WWOX: variants seen among roughly 807,000 people sequenced by gnomAD.
WWOX encodes WW domain-containing oxidoreductase.
WWOX carries 69 observed loss-of-function variants against 46.2 expected under a neutral mutation model. The ratio of observed to expected loss-of-function variants is 1.49; its 90% CI spans 1.23 to 1.82. The LOEUF (loss-of-function observed/expected upper bound fraction) is 1.82, where lower values mean the gene tolerates loss of function less well. Ranked by LOEUF, WWOX falls within the 40% of genes most tolerant of loss-of-function variation. The pLI is 0.00. For missense variants in WWOX, 919 were observed against 542.6 expected, an observed-to-expected ratio of 1.69 and a Z score of -6.89; for synonymous variants, 359 against 202.6, an observed-to-expected ratio of 1.77 and a Z score of -6.56.
At chr16:78,751,872 C>T (rs919926150) in intron 8 of WWOX, among the ~76,000 whole-genome samples, 2 of 151,958 alleles carry the variant, frequency 1.3e-5, no homozygotes, top group African/African-American at 4.8e-5. Flanking sequence ...AATTAATTCC[C>T]ATTTTAGAGT....
chr16:78,877,362 A>G (rs1334558876), intron 8 of WWOX, among the ~76,000 whole-genome samples: 1 of 150,646 alleles, frequency 6.6e-6, no homozygotes, highest in Admixed American at 6.6e-5. Flanking sequence ...TTCCTCAGAC[A>G]TGCCAGGTGT....
intron 8 of WWOX, among the ~76,000 whole-genome samples, chr16:78,804,518 T>A (rs1271466365): frequency 6.6e-6 from 1 of 152,232 alleles, no homozygotes; most frequent in African/African-American, 2.4e-5. Context: ...AGCGCATATG[T>A]TCTGCGTGTG....
chr16:79,088,472 G>A (rs1425697255), intron 8 of WWOX, among the ~76,000 whole-genome samples: 3 of 152,204 alleles, frequency 2.0e-5, no homozygotes, highest in Non-Finnish European at 2.9e-5. Context: ...ATGGTGCAAG[G>A]GATAACCTCA....
chr16:79,043,868 C>G (rs1191945704), intron 8 of WWOX, among the ~76,000 whole-genome samples: 1 of 152,190 alleles, frequency 6.6e-6, no homozygotes, highest in African/African-American at 2.4e-5. Context: ...AGTGGAGTAC[C>G]TCTGGCCTCC....
chr16:78,609,537 T>C (rs1429220493), intron 8 of WWOX, among the ~76,000 whole-genome samples: 1 of 151,858 alleles, frequency 6.6e-6, no homozygotes, highest in Non-Finnish European at 1.5e-5. Context: ...TTTCTTTCTT[T>C]CTTTTCTTTT....
chr16:78,984,981 A>C (rs549256147), intron 8 of WWOX, among the ~76,000 whole-genome samples: 1 of 152,268 alleles, frequency 6.6e-6, no homozygotes, highest in Admixed American at 6.5e-5. Context: ...ATACTGGGCA[A>C]AAGGAAAAAA....
At chr16:79,191,388 C>T (rs528878093) in intron 8 of WWOX, among the ~76,000 whole-genome samples, 3 of 152,120 alleles carry the variant, frequency 2.0e-5, no homozygotes, top group Non-Finnish European at 4.4e-5. Flanking sequence ...GAAAGGCCAC[C>T]GAGATAGTAA....
At chr16:79,198,402 G>A (rs140781603) in intron 8 of WWOX, among the ~76,000 whole-genome samples, 113 of 152,200 alleles carry the variant, frequency 7.4e-4, no homozygotes, top group African/African-American at 2.1e-3. Context: ...AAATCCTCCC[G>A]CTTTTTTTGC....
chr16:79,125,114 C>G (rs1452595112), intron 8 of WWOX, among the ~76,000 whole-genome samples: 1 of 151,602 alleles, frequency 6.6e-6, no homozygotes, highest in African/African-American at 2.4e-5. Flanking sequence ...GACTGCCCAT[C>G]CCTCTATCCA....
At chr16:78,448,676 T>C (rs2083616345) in intron 8 of WWOX, among the ~76,000 whole-genome samples, 1 of 152,192 alleles carries the variant, frequency 6.6e-6, no homozygotes, top group South Asian at 2.1e-4. Flanking sequence ...GAAGTTAAAA[T>C]ATAGACTTTG....
intron 6 of WWOX, among the ~76,000 whole-genome samples, chr16:78,400,945 C>T (rs55647046): frequency 0.067 from 10,129 of 152,240 alleles, 417 homozygotes; most frequent in South Asian, 0.17. Context: ...CACTCAGCCT[C>T]CTGAGTAGTT....
chr16:78,414,804 A>T (rs8053103), intron 6 of WWOX, among the ~76,000 whole-genome samples: 2,024 of 152,210 alleles, frequency 0.013, 41 homozygotes, highest in East Asian at 0.062. Flanking sequence ...TAAACTATAA[A>T]CGAAATTTCT....
chr16:78,354,560 T>A (rs1597085375), intron 5 of WWOX, among the ~76,000 whole-genome samples: 1 of 152,298 alleles, frequency 6.6e-6, no homozygotes, highest in East Asian at 1.9e-4. Context: ...ATTTTTCATA[T>A]GCTTAGAAAT....
At chr16:78,712,494 C>T (rs1287139430) in intron 8 of WWOX, among the ~76,000 whole-genome samples, 2 of 149,576 alleles carry the variant, frequency 1.3e-5, no homozygotes, top group Non-Finnish European at 1.5e-5. Context: ...GAGTGAGACT[C>T]CATCTTAAAA....
chr16:79,172,948 G>C (rs1200496411), intron 8 of WWOX, among the ~76,000 whole-genome samples: 1 of 152,114 alleles, frequency 6.6e-6, no homozygotes, highest in African/African-American at 2.4e-5. Flanking sequence ...TTGAGCCTGG[G>C]ACGTCAAGGC....
chr16:78,595,905 A>G (rs188026821), intron 8 of WWOX, among the ~76,000 whole-genome samples: 1 of 152,356 alleles, frequency 6.6e-6, no homozygotes, highest in African/African-American at 2.4e-5. Context: ...GCTATCTAAA[A>G]TATCAATTAA....
chr16:78,620,054 T>C (rs1253005012), intron 8 of WWOX, among the ~76,000 whole-genome samples: 1 of 152,150 alleles, frequency 6.6e-6, no homozygotes, highest in Non-Finnish European at 1.5e-5. Flanking sequence ...TTCTGCCAAA[T>C]GGAAGATCAT....
chr16:78,460,064 C>A lies in WWOX; in HGVS notation c.1056+27312C>A, dbSNP rs1400660013. Among the ~76,000 whole-genome samples the A allele has an allele frequency of 8.5e-5, 13 of 152,178 alleles. No homozygotes were observed. In the East Asian group the frequency reaches 2.3e-3, roughly 27 times the overall value. ...TCAAGCAATCCGCCCACCTCGGCCT[C>A]CCAAAGTGCTGGGATTACAGGCATG... On this transcript the variant is annotated intron_variant, in intron 8 of 8. Transcript: ENST00000566780.
At chr16:78,126,892 A>G (rs527633053) in intron 4 of WWOX, among the ~76,000 whole-genome samples, 2 of 152,274 alleles carry the variant, frequency 1.3e-5, no homozygotes, top group South Asian at 4.1e-4. Context: ...TTTCCCCTAG[A>G]TCTTCTATTA....
Sources: gnomAD v4.1 joint callset for allele counts (sites outside exome capture counted in the v4.1 genomes callset) on GRCh38, gnomAD v4.1.1 for gene constraint, MANE v1.5 for transcripts, NCBI Gene and HGNC (gene_info 2026-07-23, HGNC 2026-07-21) for gene names.